The following GALNT8 variants were observed in gnomAD, a reference collection of about 807,000 sequenced individuals.
GALNT8 encodes the protein polypeptide N-acetylgalactosaminyltransferase 8.
A neutral mutation model predicts 62.7 loss-of-function variants in GALNT8; 66 were observed. The ratio of observed to expected loss-of-function variants is 1.05; its 90% CI spans 0.86 to 1.29. GALNT8 has a LOEUF of 1.29. GALNT8 is among the 50% of genes most tolerant of loss of function. The pLI is 0.00. For missense variants in GALNT8, 771 were observed against 791.8 expected, an observed-to-expected ratio of 0.97 and a Z score of 0.32; for synonymous variants, 288 against 294.3, an observed-to-expected ratio of 0.98 and a Z score of 0.22.
chr12:4,760,355 A>G (rs1322128053), intron 6 of GALNT8, among the ~76,000 whole-genome samples: 1 of 152,194 alleles, frequency 6.6e-6, no homozygotes, highest in Admixed American at 6.5e-5. Context: ...TTCCTTCTTC[A>G]AAGCCAACAA....
intron 10 of GALNT8, among the ~76,000 whole-genome samples, chr12:4,765,895 C>T (rs1303191716): frequency 1.3e-5 from 2 of 152,230 alleles, no homozygotes; most frequent in African/African-American, 2.4e-5. Context: ...ATTCTCCTGC[C>T]TCAGCCTTCT....
chr12:4,757,797 T>C (rs1158006869), intron 6 of GALNT8, among the ~76,000 whole-genome samples: 3 of 152,154 alleles, frequency 2.0e-5, no homozygotes, highest in Non-Finnish European at 4.4e-5. Flanking sequence ...GGAGTACAGG[T>C]ACTGTCTAAC....
intron 6 of GALNT8, among the ~76,000 whole-genome samples, chr12:4,754,101 G>A (rs1946333821): frequency 6.6e-6 from 1 of 152,122 alleles, no homozygotes; most frequent in African/African-American, 2.4e-5. Context: ...AAGCAACCCC[G>A]TGACCACCGC....
In GALNT8 at chr12:4,726,545, A is replaced by G; in HGVS notation, c.225A>G (p.Lys75=). Residue 75 remains lysine (K), a synonymous_variant, in exon 2 of 11, where the codon AAA becomes AAG. Coordinates refer to ENST00000252318, the MANE Select transcript of GALNT8 (RefSeq NM_017417.2). This position sits in a 1 kb window ranked among gnomAD's most constrained non-coding sequence, Gnocchi z 4.1. ...CTTCATTTGCAGAAGAAAGTATGAAATTAGCTCTGAGGCAACAAGAAAATG... is the reference window on the plus strand; with the variant it reads ...CTTCATTTGCAGAAGAAAGTATGAAGTTAGCTCTGAGGCAACAAGAAAATG... ...VELQDLKESM[K]LALRQQENVN... The G allele has an allele frequency of 6.2e-7, 1 of 1,611,698 alleles. No homozygotes were observed. Among genetic ancestry groups the G allele is most frequent in the Non-Finnish European group, 8.5e-7 (1 of 1,178,340 alleles).
chr12:4,765,247 T>A, intron 9 of GALNT8, 132 bp from the exon 10 acceptor site: 1 of 698,998 alleles, frequency 1.4e-6, no homozygotes. Flanking sequence ...GAAGGTTCAG[T>A]GCTCTTGGTG....
intron 1 of GALNT8, among the ~76,000 whole-genome samples, chr12:4,725,461 A>C (rs1407628041): frequency 6.6e-6 from 1 of 152,202 alleles, no homozygotes; most frequent in Non-Finnish European, 1.5e-5. Flanking sequence ...AATTGTTTAA[A>C]ATATAGATTC....
chr12:4,725,914 A>G (rs1169645537), intron 1 of GALNT8, among the ~76,000 whole-genome samples: 1 of 152,198 alleles, frequency 6.6e-6, no homozygotes, highest in Non-Finnish European at 1.5e-5. Flanking sequence ...GGACATCTCC[A>G]ATTTTAAAGT....
chr12:4,748,824 A>C (rs577584230), intron 6 of GALNT8, among the ~76,000 whole-genome samples: 1 of 152,242 alleles, frequency 6.6e-6, no homozygotes, highest in Admixed American at 6.5e-5. Context: ...CATTTTAATA[A>C]TATTGATTCT....
At chr12:4,739,628 C>CA (rs1347803818) in intron 3 of GALNT8, among the ~76,000 whole-genome samples, 4 of 151,216 alleles carry the variant, frequency 2.6e-5, no homozygotes, top group Non-Finnish European at 4.4e-5. Flanking sequence ...CGTGTACCTC[C>CA]AAATCTACCT....
In GALNT8 at chr12:4,720,705, G is replaced by A. The variant is rs774240184; in HGVS notation, c.28G>A (p.Ala10Thr). 2.9e-5 allele frequency: 47 copies of A among 1,613,472 alleles called. No homozygotes were observed. The South Asian group carries it at 4.7e-4, about 16-fold the overall frequency. MMFWRKLPK[A>T]LFIGLTLAIA... Reference sequence around the variant, plus strand: ...GATGTTTTGGAGGAAACTCCCCAAAGCCCTCTTCATTGGGCTGACTCTGGC... The same window carrying A: ...GATGTTTTGGAGGAAACTCCCCAAAACCCTCTTCATTGGGCTGACTCTGGC... The change falls in exon 1 of 11, where the codon GCC becomes ACC. Residue 10 changes from alanine (A) to threonine (T), a missense_variant. By Grantham distance (58) the Ala-to-Thr change is moderately conservative. Transcript: ENST00000252318.
At chr12:4,751,215 A>G (rs1190014417) in intron 6 of GALNT8, among the ~76,000 whole-genome samples, 2 of 152,190 alleles carry the variant, frequency 1.3e-5, no homozygotes, top group African/African-American at 2.4e-5. Flanking sequence ...ACATAGGGAC[A>G]GGCAAAGATT....
rs532883567 is a variant in GALNT8, at chr12:4,749,398, G to A, written c.1173+3140G>A. ...GGATTTTATCAAATGCCTTTTCAGC[G>A]TCAATTGAAATGATCACATGGTTTT... is the stretch of plus-strand genomic sequence containing the variant. On this transcript the variant is annotated intron_variant, in intron 6 of 10. Transcript: ENST00000252318. This position sits in a 1 kb window ranked among gnomAD's most constrained non-coding sequence, Gnocchi z 4.1. Among the ~76,000 whole-genome samples, 11 of 152,184 alleles carry A rather than the reference G, an allele frequency of 7.2e-5. No homozygotes were observed. The highest frequency in any genetic ancestry group is 5.8e-4 in the East Asian group (3 of 5,182).
rs1946287338 is a variant in GALNT8, at chr12:4,744,546, A to T, written c.706A>T (p.Ile236Phe). The T allele has an allele frequency of 6.8e-6, 11 of 1,612,122 alleles. No individual in the cohort carries two copies. Among genetic ancestry groups the T allele is most frequent in the African/African-American group, 1.3e-5 (1 of 74,856 alleles). The change falls in exon 4 of 11, where the codon ATT becomes TTT. Residue 236 changes from isoleucine to phenylalanine, a missense_variant. Physicochemically the swap from Ile to Phe is conservative, Grantham distance 21. Transcript: ENST00000252318. ...ACTAAAGGTACACTTGGATGAGAAG[A>T]TTAAGCTTTACAACCAGAAGTATCC... is the stretch of plus-strand genomic sequence containing the variant. ...GELKVHLDEK[I>F]KLYNQKYPGL...
At chr12:4,728,431 A>G (rs1429884917) in intron 2 of GALNT8, among the ~76,000 whole-genome samples, 1 of 151,982 alleles carries the variant, frequency 6.6e-6, no homozygotes, top group African/African-American at 2.4e-5. Flanking sequence ...TATCTAAGAG[A>G]CCTTGCTTGG....
At chr12:4,753,815 G>A (rs1591571646) in intron 6 of GALNT8, among the ~76,000 whole-genome samples, 1 of 152,230 alleles carries the variant, frequency 6.6e-6, no homozygotes, top group African/African-American at 2.4e-5. Context: ...AGGCTTGTTT[G>A]TACCCATCCT....
chr12:4,720,869 G>A lies in GALNT8; in HGVS notation c.192G>A (p.Glu64=), dbSNP rs761379316. The A allele has an allele frequency of 6.3e-6, 10 of 1,599,048 alleles. No homozygotes were observed. The highest frequency in any genetic ancestry group is 6.9e-6 in the Non-Finnish European group (8 of 1,166,426). The part of the protein sequence containing the change: ...GAVIKRLSHL[E]VELQDLKESM... ...TGATAAAGAGACTCTCCCACTTGGA[G>A]GTGGAATTGCAGGATCTGAGTAAGT... Residue 64 remains glutamate (E), a synonymous_variant, in exon 1 of 11, where the codon GAG becomes GAA. Transcript: ENST00000252318.
intron 2 of GALNT8, among the ~76,000 whole-genome samples, chr12:4,727,730 G>A (rs1203727229): frequency 1.3e-5 from 2 of 152,058 alleles, no homozygotes; most frequent in Non-Finnish European, 2.9e-5. Flanking sequence ...TCATTGTCTG[G>A]ATTATACCTA....
chr12:4,766,055 G>T (rs1259389696), intron 10 of GALNT8, among the ~76,000 whole-genome samples: 1 of 152,234 alleles, frequency 6.6e-6, no homozygotes, highest in African/African-American at 2.4e-5. Flanking sequence ...ACAGGTGTGA[G>T]CCACTGTGCC....
At chr12:4,740,570 T>C (rs1946267776) in intron 3 of GALNT8, among the ~76,000 whole-genome samples, 1 of 151,816 alleles carries the variant, frequency 6.6e-6, no homozygotes, top group African/African-American at 2.4e-5. Context: ...ATTATAGGAG[T>C]ATGCCACCAC....
Sources: allele counts gnomAD v4.1 joint callset (sites outside exome capture counted in the v4.1 genomes callset), GRCh38; gene constraint gnomAD v4.1.1; non-coding constraint Gnocchi (gnomAD v3.1); transcripts MANE v1.5; gene names NCBI Gene and HGNC (gene_info 2026-07-23, HGNC 2026-07-21).